ABHD18: variants seen among roughly 807,000 people sequenced by gnomAD.
ABHD18 encodes cardiolipin-specific deacylase, mitochondrial.
ABHD18 carries 55 observed loss-of-function variants against 65.9 expected under a neutral mutation model. The ratio of observed to expected loss-of-function variants is 0.84; its 90% CI spans 0.67 to 1.05. The LOEUF (loss-of-function observed/expected upper bound fraction) is 1.05, where lower values mean the gene tolerates loss of function less well. Ranked by LOEUF, ABHD18 falls within the 50% of genes least tolerant of loss-of-function variation. ABHD18 has a pLI of 0.00. For synonymous variants in ABHD18, 181 were observed against 180.2 expected (o/e 1.00, Z -0.04); for missense variants, 533 against 558.5 (o/e 0.95, Z 0.46).
intron 7 of ABHD18, among the ~76,000 whole-genome samples, chr4:128,016,594 G>A (rs1755537935): frequency 6.6e-6 from 1 of 151,526 alleles, no homozygotes; most frequent in Non-Finnish European, 1.5e-5. Flanking sequence ...GGCCAACATG[G>A]TGAAACCCCG....
intron 4 of ABHD18, among the ~76,000 whole-genome samples, chr4:128,003,540 GAATA>G: frequency 6.6e-6 from 1 of 151,504 alleles, no homozygotes; most frequent in Non-Finnish European, 1.5e-5. Flanking sequence ...ATTTTAAAAA[GAATA>G]AAGAGATAAC....
At chr4:127,984,498 G>A in intron 3 of ABHD18, 75 bp downstream of exon 3, 2 of 769,684 alleles carry the variant, frequency 2.6e-6, no homozygotes, top group Non-Finnish European at 4.1e-6. Context: ...ATTACATATT[G>A]GAGTATAACA....
At position 128,029,318 on chromosome 4, in the gene ABHD18, C is replaced by G. The variant is rs113536340; in HGVS notation, c.1180+465C>G. Among the ~76,000 whole-genome samples, 358 of 152,186 alleles carry G rather than the reference C, an allele frequency of 2.4e-3. 3 individuals are homozygous for G. The highest frequency in any genetic ancestry group is 8.0e-3 in the African/African-American group (334 of 41,526). ...GAGGTTGCAGTGAGCCAAGATCACA[C>G]CACTGCACTCCATCCTGGGTGACAG... is the stretch of plus-strand genomic sequence containing the variant. On this transcript the variant is annotated intron_variant, in intron 11 of 12. Transcript: ENST00000645843.
intron 1 of ABHD18, among the ~76,000 whole-genome samples, chr4:127,978,048 G>A (rs1308285858): frequency 6.6e-6 from 1 of 152,036 alleles, no homozygotes; most frequent in Non-Finnish European, 1.5e-5. Flanking sequence ...TGCCAGTGGT[G>A]TATTTTATGT....
intron 1 of ABHD18, among the ~76,000 whole-genome samples, chr4:127,981,305 C>G (rs1749000503): frequency 6.6e-6 from 1 of 152,052 alleles, no homozygotes; most frequent in South Asian, 2.1e-4. Flanking sequence ...TTTTTGGTAC[C>G]TCTTCAAAGA....
chr4:128,019,953 C>T (rs185567124), intron 8 of ABHD18, 127 bp from the exon 9 acceptor site: 64 of 541,308 alleles, frequency 1.2e-4, no homozygotes, highest in Admixed American at 1.2e-3. Context: ...GACATTCTCA[C>T]GAATGTTTGC....
At chr4:128,007,544 C>T (rs1253533603) in intron 4 of ABHD18, among the ~76,000 whole-genome samples, 1 of 151,042 alleles carries the variant, frequency 6.6e-6, no homozygotes, top group Admixed American at 6.6e-5. Flanking sequence ...GAGTTTGAGA[C>T]CAGCCTGGGC....
rs574103560 is a variant in ABHD18, at chr4:127,987,704, C to T, written c.178-2017C>T. On this transcript the variant is annotated intron_variant, in intron 3 of 12. Transcript: ENST00000645843. ...CTCCAGCCTAGGTGACAGAGCAAGA[C>T]TCAAAAAAAAAAAATAAATAAATAA... Among the ~76,000 whole-genome samples the T allele has an allele frequency of 3.1e-4, 45 of 143,762 alleles. 1 individual carries two copies. The East Asian group carries it at 6.8e-3, about 22-fold the overall frequency. 94.3% of individuals were successfully genotyped at this position (143,762 alleles called of 152,430 possible).
intron 1 of ABHD18, among the ~76,000 whole-genome samples, chr4:127,970,018 G>A (rs933395002): frequency 6.6e-6 from 1 of 151,818 alleles, no homozygotes; most frequent in Non-Finnish European, 1.5e-5. Flanking sequence ...CAAAGTGCTA[G>A]GATTACAATC....
intron 10 of ABHD18, among the ~76,000 whole-genome samples, chr4:128,022,785 T>C (rs890227746): frequency 1.3e-5 from 2 of 151,256 alleles, no homozygotes; most frequent in East Asian, 1.9e-4. Context: ...TTTTTTTTTT[T>C]CTCTGTCTTG....
intron 1 of ABHD18, among the ~76,000 whole-genome samples, chr4:127,971,726 G>A (rs1429106227): frequency 2.0e-5 from 3 of 151,938 alleles, no homozygotes; most frequent in Non-Finnish European, 2.9e-5. Flanking sequence ...TCCTGACCTC[G>A]TGATCTGCCC....
At chr4:128,034,591 A>G (rs1758660170) in intron 12 of ABHD18, among the ~76,000 whole-genome samples, 1 of 152,094 alleles carries the variant, frequency 6.6e-6, no homozygotes, top group South Asian at 2.1e-4. Context: ...CTCTAAAAAA[A>G]AAGAAAAAAG....
intron 10 of ABHD18, among the ~76,000 whole-genome samples, chr4:128,025,195 T>C (rs1330725118): frequency 6.6e-6 from 1 of 152,130 alleles, no homozygotes; most frequent in Non-Finnish European, 1.5e-5. Context: ...ATATGAACTT[T>C]TTTTATCTTT....
chr4:128,012,247 G>A (rs1031756762), intron 7 of ABHD18, among the ~76,000 whole-genome samples: 6 of 152,154 alleles, frequency 3.9e-5, no homozygotes, highest in Non-Finnish European at 7.3e-5. Context: ...AAAGTGCTGG[G>A]ATTATAGGCA....
At chr4:128,000,336 G>C (rs772457907) in intron 4 of ABHD18, among the ~76,000 whole-genome samples, 1 of 152,162 alleles carries the variant, frequency 6.6e-6, no homozygotes, top group African/African-American at 2.4e-5. Flanking sequence ...TCAATCTTCT[G>C]CATATGGCTA....
At chr4:128,001,371 C>G (rs997630926) in intron 4 of ABHD18, among the ~76,000 whole-genome samples, 9 of 152,184 alleles carry the variant, frequency 5.9e-5, no homozygotes, top group African/African-American at 2.2e-4. Context: ...TATCGAAAGC[C>G]TTTTCTGTAT....
At chr4:127,996,605 G>A (rs1242578167) in intron 4 of ABHD18, among the ~76,000 whole-genome samples, 1 of 152,138 alleles carries the variant, frequency 6.6e-6, no homozygotes, top group African/African-American at 2.4e-5. Flanking sequence ...CAGGGTTCGA[G>A]AGCAGAGAAT....
chr4:128,007,950 G>T (rs1753895149), intron 4 of ABHD18, among the ~76,000 whole-genome samples: 1 of 152,066 alleles, frequency 6.6e-6, no homozygotes, highest in East Asian at 1.9e-4. Context: ...AAGAGAAAAA[G>T]TCGGAGCTAT....
At chr4:127,997,924 C>G (rs1328327493) in intron 4 of ABHD18, among the ~76,000 whole-genome samples, 1 of 151,336 alleles carries the variant, frequency 6.6e-6, no homozygotes, top group Admixed American at 6.6e-5. Context: ...GATTCTTGCT[C>G]TATTGCTCAG....
Sources: allele counts gnomAD v4.1 joint callset (sites outside exome capture counted in the v4.1 genomes callset), GRCh38; gene constraint gnomAD v4.1.1; transcripts MANE v1.5; gene names NCBI Gene and HGNC (gene_info 2026-07-23, HGNC 2026-07-21).